The following SUSD3 variants were observed in gnomAD, a reference collection of about 807,000 sequenced individuals.
The protein encoded by SUSD3 is sushi domain-containing protein 3.
A neutral mutation model predicts 20.6 loss-of-function variants in SUSD3; 18 were observed. The observed-to-expected ratio is 0.87, with a 90% CI of 0.60 to 1.30. The LOEUF (loss-of-function observed/expected upper bound fraction) is 1.30. Among genes scored for constraint, SUSD3 ranks in the 50% most tolerant of loss-of-function variants. The probability of loss-of-function intolerance (pLI) is 0.00; values close to 1 mark genes in which losing one functional copy is unlikely to be tolerated. For synonymous variants in SUSD3, 137 were observed against 141.5 expected (o/e 0.97, Z 0.23); for missense variants, 306 against 346.9 (o/e 0.88, Z 0.94).
chr9:93,067,591 T>C (rs1825764610), intron 1 of SUSD3, among the ~76,000 whole-genome samples: 1 of 151,880 alleles, frequency 6.6e-6, no homozygotes. Context: ...CACTTCGTAT[T>C]GTCTGTCTTT....
In SUSD3 at chr9:93,084,527, C is replaced by G; in HGVS notation, c.558-10C>G. On this transcript the variant is annotated splice_polypyrimidine_tract_variant and intron_variant, in intron 4 of 4. Coordinates refer to ENST00000375472, the MANE Select transcript of SUSD3 (RefSeq NM_145006.4). ...ACTCTTTTGCCAACTCATGCCTCCT[C>G]TCTCCACAGAGACCATGGTGAGAGC... is the stretch of plus-strand genomic sequence containing the variant. 6.4e-7 allele frequency: 1 copy of G among 1,571,722 alleles called. No homozygotes were observed. Among genetic ancestry groups the G allele is most frequent in the Non-Finnish European group, 8.6e-7 (1 of 1,158,282 alleles).
chr9:93,058,768 G>A lies in SUSD3; in HGVS notation c.26G>A (p.Arg9His). 3 of 1,237,264 alleles carry A rather than the reference G, an allele frequency of 2.4e-6. No individual in the cohort carries two copies. The highest frequency in any genetic ancestry group is 2.0e-6 in the Non-Finnish European group (2 of 990,426). 76.6% of individuals were successfully genotyped at this position (1,237,264 alleles called of 1,614,324 possible). A position where few individuals can be genotyped will look rare whatever the true frequency, so the allele number is the denominator to read the frequency against. The change falls in exon 1 of 5, where the codon CGT becomes CAT. Residue 9 changes from arginine (R) to histidine (H), a missense_variant. By Grantham distance (29) the Arg-to-His change is conservative (BLOSUM62 0). Transcript: ENST00000375472. MRWAAATL[R>H]GKARPRGRAG... ...ATGCGCTGGGCGGCCGCCACCCTCC[G>A]TGGCAAGGCGAGGCCCCGGGGGCGG...
intron 4 of SUSD3, among the ~76,000 whole-genome samples, chr9:93,080,784 G>A (rs971983885): frequency 6.6e-6 from 1 of 152,162 alleles, no homozygotes; most frequent in Non-Finnish European, 1.5e-5. Context: ...CTCTTGCCTT[G>A]GGCATTACAG....
chr9:93,084,486 A>G, intron 4 of SUSD3, 51 bp from the exon 5 acceptor site: 2 of 1,498,992 alleles, frequency 1.3e-6, no homozygotes, highest in South Asian at 1.3e-5. Context: ...GGAGTTGGGG[A>G]TTAAACCCTA....
chr9:93,078,010 A>G lies in SUSD3; in HGVS notation c.425+17A>G. ...CTCCAACAGGTACGGTGGCCTCATG[A>G]TCTCAGGGTCCTCCCGGGAGGCGCC... On this transcript the variant is annotated intron_variant, in intron 3 of 4. Transcript: ENST00000375472. The G allele has an allele frequency of 4.3e-6, 7 of 1,614,068 alleles. No individual in the cohort carries two copies. The highest frequency in any genetic ancestry group is 5.9e-6 in the Non-Finnish European group (7 of 1,180,008).
chr9:93,075,826 A>G lies in SUSD3; in HGVS notation c.131A>G (p.Gln44Arg). ...KLRLPPQATFQVLRGNGASVG... is the reference protein window; with the variant it reads ...KLRLPPQATFRVLRGNGASVG... ...CGGCTACCCCCGCAAGCAACCTTCC[A>G]AGTCCTTCGTGGCAATGGTGCTTCC... The change falls in exon 2 of 5, where the codon CAA (glutamine) becomes CGA (arginine). Residue 44 changes from glutamine (Q) to arginine (R), a missense_variant. Gln to Arg is a conservative substitution (Grantham distance 43). Coordinates refer to ENST00000375472, the MANE Select transcript of SUSD3 (RefSeq NM_145006.4). 2 of 1,589,454 alleles carry G rather than the reference A, an allele frequency of 1.3e-6. No homozygotes were observed. Among genetic ancestry groups the G allele is most frequent in the South Asian group, 1.1e-5 (1 of 90,590 alleles).
At chr9:93,064,014 C>T (rs1327938620) in intron 1 of SUSD3, among the ~76,000 whole-genome samples, 2 of 152,150 alleles carry the variant, frequency 1.3e-5, no homozygotes, top group East Asian at 1.9e-4. Flanking sequence ...AGTGTTACCT[C>T]GCTGGCTGGT....
chr9:93,078,882 C>G (rs1159959150), intron 3 of SUSD3, among the ~76,000 whole-genome samples: 1 of 152,066 alleles, frequency 6.6e-6, no homozygotes, highest in South Asian at 2.1e-4. Flanking sequence ...TCACTGCAAG[C>G]TCCACCTCCT....
intron 1 of SUSD3, among the ~76,000 whole-genome samples, chr9:93,059,682 G>A (rs1196678401): frequency 6.6e-6 from 1 of 152,194 alleles, no homozygotes; most frequent in African/African-American, 2.4e-5. Context: ...CTGCGCAGGA[G>A]GAAGCTGAGG....
At position 93,079,530 on chromosome 9, in the gene SUSD3, A is replaced by G. The variant is rs1826318762; in HGVS notation, c.485A>G (p.Tyr162Cys). ...GACTTGGAGACGGTGCAGGCCGCAT[A>G]CCTTGGCCTCAAGCACTTCAACAAA... Reference protein sequence around the residue: ...DEDLETVQAAYLGLKHFNKPV... With the variant: ...DEDLETVQAACLGLKHFNKPV... Residue 162 changes from tyrosine to cysteine, a missense_variant, in exon 4 of 5, where the codon TAC (tyrosine) becomes TGC (cysteine). Tyr to Cys is a radical substitution (Grantham distance 194). Coordinates refer to ENST00000375472, the MANE Select transcript of SUSD3 (RefSeq NM_145006.4). The G allele has an allele frequency of 6.2e-7, 1 of 1,614,086 alleles. No homozygotes were observed. Among genetic ancestry groups the G allele is most frequent in the East Asian group, 2.2e-5 (1 of 44,880 alleles).
At chr9:93,072,446 C>T (rs2118954897) in intron 1 of SUSD3, among the ~76,000 whole-genome samples, 1 of 152,348 alleles carries the variant, frequency 6.6e-6, no homozygotes, top group African/African-American at 2.4e-5. Flanking sequence ...TACCATGGCA[C>T]AGAGCCTCTG....
At chr9:93,078,197 A>G (rs10821066) in intron 3 of SUSD3, among the ~76,000 whole-genome samples, 41,588 of 152,138 alleles carry the variant, frequency 0.27, 8,037 homozygotes, top group African/African-American at 0.55. Flanking sequence ...CAGCTGGGGG[A>G]CATGTGGGCC....
At chr9:93,069,609 A>G (rs1426428679) in intron 1 of SUSD3, among the ~76,000 whole-genome samples, 2 of 152,038 alleles carry the variant, frequency 1.3e-5, no homozygotes, top group East Asian at 1.9e-4. Flanking sequence ...TTAATTTTCA[A>G]TTTGCTCACT....
chr9:93,060,049 C>T (rs1359713230), intron 1 of SUSD3, among the ~76,000 whole-genome samples: 4 of 152,212 alleles, frequency 2.6e-5, no homozygotes, highest in Non-Finnish European at 5.9e-5. Flanking sequence ...GGTGCCAGTG[C>T]CCTTTGGATA....
chr9:93,064,323 G>A (rs1825624228), intron 1 of SUSD3, among the ~76,000 whole-genome samples: 3 of 152,206 alleles, frequency 2.0e-5, no homozygotes, highest in South Asian at 2.1e-4. Flanking sequence ...TGGGAGTACA[G>A]GCGTGAGCCA....
At chr9:93,078,804 AC>A (rs199551414) in intron 3 of SUSD3, among the ~76,000 whole-genome samples, 15 of 147,298 alleles carry the variant, frequency 1.0e-4, no homozygotes, top group African/African-American at 3.2e-4. Flanking sequence ...ATAAAACTTA[AC>A]CTTTTTTTTT....
chr9:93,064,716 A>G (rs1825641721), intron 1 of SUSD3, among the ~76,000 whole-genome samples: 1 of 152,036 alleles, frequency 6.6e-6, no homozygotes, highest in African/African-American at 2.4e-5. Flanking sequence ...TCTAAAACAC[A>G]CTTAGAGGAA....
At chr9:93,073,111 T>C (rs1164103273) in intron 1 of SUSD3, among the ~76,000 whole-genome samples, 1 of 152,238 alleles carries the variant, frequency 6.6e-6, no homozygotes, top group Admixed American at 6.5e-5. Flanking sequence ...CACCCCCATC[T>C]CTGGGTGTCA....
At chr9:93,082,076 T>G (rs1364042295) in intron 4 of SUSD3, among the ~76,000 whole-genome samples, 1 of 152,194 alleles carries the variant, frequency 6.6e-6, no homozygotes, top group Non-Finnish European at 1.5e-5. Flanking sequence ...GTGCTGACCA[T>G]TTGTTTATCA....
Sources: gnomAD v4.1 joint callset for allele counts (sites outside exome capture counted in the v4.1 genomes callset) on GRCh38, gnomAD v4.1.1 for gene constraint, MANE v1.5 for transcripts, NCBI Gene and HGNC (gene_info 2026-07-23, HGNC 2026-07-21) for gene names.